GABRB1: variants seen among roughly 807,000 people sequenced by gnomAD.
The protein encoded by GABRB1 is gamma-aminobutyric acid type A receptor subunit beta1, also known as gamma-aminobutyric acid receptor subunit beta-1.
A neutral mutation model predicts 51.6 loss-of-function variants in GABRB1; 17 were observed. The observed-to-expected ratio is 0.33, with a 90% confidence interval of 0.23 to 0.49. The LOEUF (loss-of-function observed/expected upper bound fraction) is 0.49. Among genes scored for constraint, GABRB1 ranks in the 20% least tolerant of loss-of-function variants. The pLI is 0.99. For missense variants in GABRB1, 410 were observed against 600.6 expected, an observed-to-expected ratio of 0.68 and a Z score of 3.32; for synonymous variants, 247 against 218.9, an observed-to-expected ratio of 1.13 and a Z score of -1.14.
At chr4:47,214,954 T>G (rs1720497687) in intron 4 of GABRB1, among the ~76,000 whole-genome samples, 1 of 152,176 alleles carries the variant, frequency 6.6e-6, no homozygotes, top group South Asian at 2.1e-4. Context: ...TAGAGTAAAG[T>G]GCTTTTGGTC....
chr4:47,241,251 T>C lies in GABRB1; in HGVS notation c.462-78876T>C, dbSNP rs534403673. ...CTGAAAATTACAATTTTCTTTTTTT[T>C]CCGAAAGTAATTTGGGCTTGGAGGA... On this transcript the variant is annotated intron_variant, in intron 4 of 8. Coordinates refer to ENST00000295454, the MANE Select transcript of GABRB1 (RefSeq NM_000812.4). Among the ~76,000 whole-genome samples, 11 of 151,252 alleles carry C rather than the reference T, an allele frequency of 7.3e-5. No individual in the cohort carries two copies. The South Asian group carries it at 2.3e-3, about 31-fold the overall frequency.
chr4:47,037,845 G>C (rs183894356), intron 3 of GABRB1, among the ~76,000 whole-genome samples: 1 of 152,098 alleles, frequency 6.6e-6, no homozygotes, highest in Non-Finnish European at 1.5e-5. Flanking sequence ...AGCGGGAAAT[G>C]TTGTTAGGTT....
At chr4:47,224,049 T>C (rs1720859741) in intron 4 of GABRB1, among the ~76,000 whole-genome samples, 1 of 152,118 alleles carries the variant, frequency 6.6e-6, no homozygotes, top group South Asian at 2.1e-4. Flanking sequence ...GACAGCTGAA[T>C]TATTGTGGCA....
At chr4:47,419,979 ATT>A (rs937782459) in intron 8 of GABRB1, among the ~76,000 whole-genome samples, 12 of 152,110 alleles carry the variant, frequency 7.9e-5, no homozygotes, top group African/African-American at 1.7e-4. Context: ...AATTACATTC[ATT>A]TTCTCTCAAT....
chr4:47,301,198 G>A (rs1407804448), intron 4 of GABRB1, among the ~76,000 whole-genome samples: 2 of 152,080 alleles, frequency 1.3e-5, no homozygotes, highest in Non-Finnish European at 2.9e-5. Context: ...GTATCCTAAT[G>A]AGATACACTA....
intron 3 of GABRB1, among the ~76,000 whole-genome samples, chr4:47,065,770 G>A (rs181734830): frequency 5.9e-5 from 9 of 152,216 alleles, no homozygotes; most frequent in African/African-American, 1.9e-4. Context: ...AAGGAAAGGC[G>A]CTATCCTAAA....
Position 47,091,645 on chromosome 4 carries a change from T to C in GABRB1, c.240+59161T>C, listed in dbSNP as rs532565904. Among the ~76,000 whole-genome samples, 7 of 152,248 alleles carry C rather than the reference T, an allele frequency of 4.6e-5. No individual in the cohort carries two copies. The South Asian group carries it at 1.5e-3, about 32-fold the overall frequency. ...TCTCCTCTCACCTCCCCATTTCTAG[T>C]TTATTACCAAATCTGCAAATTTCAT... On this transcript the variant is annotated intron_variant, in intron 3 of 8. Transcript: ENST00000295454.
At chr4:47,083,715 C>T (rs1449311681) in intron 3 of GABRB1, among the ~76,000 whole-genome samples, 1 of 152,122 alleles carries the variant, frequency 6.6e-6, no homozygotes, top group Non-Finnish European at 1.5e-5. Flanking sequence ...GCTTGCCTCT[C>T]CTTTGGAATT....
At chr4:47,175,435 A>G (rs1307052994) in intron 4 of GABRB1, among the ~76,000 whole-genome samples, 1 of 152,130 alleles carries the variant, frequency 6.6e-6, no homozygotes, top group Non-Finnish European at 1.5e-5. Context: ...CATATTAAGC[A>G]AATGGTAAGT....
At chr4:47,197,998 C>A (rs1281240982) in intron 4 of GABRB1, among the ~76,000 whole-genome samples, 1 of 152,142 alleles carries the variant, frequency 6.6e-6, no homozygotes, top group African/African-American at 2.4e-5. Context: ...CCCTGCCAAC[C>A]TCCCCATCAA....
chr4:47,103,931 T>TA (rs1271758258), intron 3 of GABRB1, among the ~76,000 whole-genome samples: 1 of 151,700 alleles, frequency 6.6e-6, no homozygotes, highest in East Asian at 1.9e-4. Flanking sequence ...AAAAATAAGA[T>TA]AAAAAAATAA....
intron 3 of GABRB1, among the ~76,000 whole-genome samples, chr4:47,105,258 T>C (rs1384330714): frequency 6.6e-6 from 1 of 152,092 alleles, no homozygotes; most frequent in Non-Finnish European, 1.5e-5. Flanking sequence ...CATCATCGGC[T>C]TTAGATCTTT....
chr4:47,347,188 A>G (rs111344947), intron 5 of GABRB1, among the ~76,000 whole-genome samples: 9,527 of 152,098 alleles, frequency 0.063, 526 homozygotes, highest in East Asian at 0.28. Flanking sequence ...AACCTGAGGC[A>G]TGAGACTTGC....
intron 4 of GABRB1, among the ~76,000 whole-genome samples, chr4:47,306,347 T>A (rs1386273233): frequency 9.5e-6 from 1 of 105,576 alleles, no homozygotes; most frequent in Non-Finnish European, 2.0e-5. Context: ...GGATTTAAGG[T>A]GGGAGGGAGG....
chr4:47,283,019 A>G (rs554307321), intron 4 of GABRB1, among the ~76,000 whole-genome samples: 1 of 152,330 alleles, frequency 6.6e-6, no homozygotes, highest in African/African-American at 2.4e-5. Context: ...GGCAGTAGCT[A>G]GAACAGGAGG....
intron 3 of GABRB1, among the ~76,000 whole-genome samples, chr4:47,103,231 C>A (rs1473919879): frequency 6.6e-6 from 1 of 151,850 alleles, no homozygotes; most frequent in Non-Finnish European, 1.5e-5. Context: ...AGGAAAAAGT[C>A]TTTCTGTTCT....
rs184398569 is a variant in GABRB1 at position 47,374,537 on chromosome 4, G to A, written c.545-28781G>A. 8.7e-4 allele frequency among the ~76,000 whole-genome samples: 133 copies of A among 152,324 alleles called. 1 individual carries two copies. The South Asian group carries it at 0.012, about 14-fold the overall frequency. ...CTTATCCAAAGGAGTAGAGTAGCGA[G>A]GGGAACTTGCAGTTGGACCATTTGA... On this transcript the variant is annotated intron_variant, in intron 5 of 8. Transcript: ENST00000295454.
rs180918807 is a variant in GABRB1 at position 47,401,232 on chromosome 4, T to C, written c.545-2086T>C. On this transcript the variant is annotated intron_variant, in intron 5 of 8. Coordinates refer to ENST00000295454, the MANE Select transcript of GABRB1 (RefSeq NM_000812.4). ...CCAGTAGTGGGATTGCTAAATCGAA[T>C]TGTATTTTTAAAAAGTCAAAAAACA... Among the ~76,000 whole-genome samples the C allele has an allele frequency of 3.9e-5, 6 of 152,364 alleles. No homozygotes were observed. The East Asian group carries it at 1.2e-3, about 29-fold the overall frequency.
chr4:47,424,515 C>T (rs764176309), intron 8 of GABRB1, among the ~76,000 whole-genome samples: 10 of 152,034 alleles, frequency 6.6e-5, no homozygotes, highest in Admixed American at 2.0e-4. Flanking sequence ...TTGTATTTGC[C>T]GCCTATGTTT....
Sources: gnomAD v4.1 joint callset for allele counts (sites outside exome capture counted in the v4.1 genomes callset) on GRCh38, gnomAD v4.1.1 for gene constraint, MANE v1.5 for transcripts, NCBI Gene and HGNC (gene_info 2026-07-23, HGNC 2026-07-21) for gene names.